ZFPM2: variants seen among roughly 807,000 people sequenced by gnomAD.
ZFPM2 encodes zinc finger protein, FOG family member 2.
A neutral mutation model predicts 98.6 loss-of-function variants in ZFPM2; 20 were observed. The ratio of observed to expected loss-of-function variants is 0.20; its 90% confidence interval spans 0.14 to 0.29. The LOEUF is 0.29. Ranked by LOEUF, ZFPM2 falls within the 10% of genes least tolerant of loss-of-function variation. ZFPM2 has a pLI of 1.00. For synonymous variants in ZFPM2, 518 were observed against 502.7 expected, an observed-to-expected ratio of 1.03 and a Z score of -0.41; for missense variants, 1,310 against 1,388.6, an observed-to-expected ratio of 0.94 and a Z score of 0.90.
chr8:105,801,528 T>C lies in ZFPM2; in HGVS notation c.1446T>C (p.Ser482=). 10 of 1,613,876 alleles carry C rather than the reference T, an allele frequency of 6.2e-6. No individual in the cohort carries two copies. Among genetic ancestry groups the C allele is most frequent in the Non-Finnish European group, 8.5e-6 (10 of 1,179,856 alleles). The change falls in exon 8 of 8, where the codon TCT becomes TCC. Residue 482 remains serine (S), a synonymous_variant. Coordinates refer to ENST00000407775, the MANE Select transcript of ZFPM2 (RefSeq NM_012082.4). ...SEPSSPRLAS[S]PVQPNIGPSF... The stretch of plus-strand genomic sequence containing the variant: ...CCTCTAGCCCAAGACTTGCCTCATC[T>C]CCAGTTCAGCCTAATATTGGGCCTT...
chr8:105,370,850 A>G (rs1233742484), intron 1 of ZFPM2, among the ~76,000 whole-genome samples: 1 of 152,230 alleles, frequency 6.6e-6, no homozygotes, highest in Non-Finnish European at 1.5e-5. Flanking sequence ...CAGATCTGGG[A>G]TTTGAACGCA....
chr8:105,570,217 G>C (rs546388901), intron 4 of ZFPM2, among the ~76,000 whole-genome samples: 8 of 152,120 alleles, frequency 5.3e-5, no homozygotes, highest in Non-Finnish European at 1.2e-4. Flanking sequence ...AAGACTTGAA[G>C]GCAAGAAATG....
At chr8:105,740,452 C>CTT (rs140649290) in intron 5 of ZFPM2, among the ~76,000 whole-genome samples, 65,996 of 149,494 alleles carry the variant, frequency 0.44, 15,629 homozygotes, top group African/African-American at 0.62. Context: ...GCAAAATTAA[C>CTT]TAATTATAGC....
intron 3 of ZFPM2, among the ~76,000 whole-genome samples, chr8:105,542,562 C>G (rs1003309270): frequency 6.6e-6 from 1 of 152,114 alleles, no homozygotes; most frequent in Non-Finnish European, 1.5e-5. Context: ...CTATCCACAA[C>G]CAAATGTGGA....
chr8:105,644,234 C>A (rs1448179908), intron 5 of ZFPM2, among the ~76,000 whole-genome samples: 3 of 151,686 alleles, frequency 2.0e-5, no homozygotes, highest in Admixed American at 2.0e-4. Flanking sequence ...TACCTCAGGG[C>A]CTTTGCACTG....
At chr8:105,571,075 G>A (rs1200887559) in intron 4 of ZFPM2, among the ~76,000 whole-genome samples, 1 of 152,186 alleles carries the variant, frequency 6.6e-6, no homozygotes, top group East Asian at 1.9e-4. Flanking sequence ...CACTCTATGT[G>A]TGTAAAGTTG....
At chr8:105,463,657 G>A (rs1812743712) in intron 3 of ZFPM2, among the ~76,000 whole-genome samples, 1 of 152,060 alleles carries the variant, frequency 6.6e-6, no homozygotes, top group Non-Finnish European at 1.5e-5. Flanking sequence ...ATGTGTGGGT[G>A]AAGTGAAAAG....
intron 3 of ZFPM2, among the ~76,000 whole-genome samples, chr8:105,456,560 G>T (rs72671696): frequency 0.016 from 2,369 of 152,106 alleles, 25 homozygotes; most frequent in Non-Finnish European, 0.025. Flanking sequence ...GAATTTAGGG[G>T]TATGCTTCCA....
intron 1 of ZFPM2, among the ~76,000 whole-genome samples, chr8:105,346,664 A>T (rs1812543523): frequency 6.6e-6 from 1 of 152,184 alleles, no homozygotes; most frequent in African/African-American, 2.4e-5. Flanking sequence ...ATTTTCTTAC[A>T]TTATTTACCT....
At chr8:105,362,651 A>C (rs2129769581) in intron 1 of ZFPM2, among the ~76,000 whole-genome samples, 1 of 152,352 alleles carries the variant, frequency 6.6e-6, no homozygotes, top group Non-Finnish European at 1.5e-5. Flanking sequence ...TTAATAAAAC[A>C]CAGTTCCTTT....
chr8:105,534,992 C>T (rs566712909), intron 3 of ZFPM2, among the ~76,000 whole-genome samples: 3 of 152,028 alleles, frequency 2.0e-5, no homozygotes, highest in Non-Finnish European at 4.4e-5. Flanking sequence ...TGGCATTCTC[C>T]GAATACATGG....
intron 5 of ZFPM2, among the ~76,000 whole-genome samples, chr8:105,690,681 A>G (rs1431375605): frequency 6.6e-6 from 1 of 152,114 alleles, no homozygotes; most frequent in Non-Finnish European, 1.5e-5. Context: ...AATATCTCTC[A>G]TAATAACTCA....
intron 4 of ZFPM2, among the ~76,000 whole-genome samples, chr8:105,618,233 G>C (rs1816460783): frequency 6.6e-6 from 1 of 152,146 alleles, no homozygotes; most frequent in African/African-American, 2.4e-5. Flanking sequence ...TTCCTAAGGA[G>C]AGTCTCATTG....
chr8:105,628,103 T>G (rs1205051333), intron 4 of ZFPM2, among the ~76,000 whole-genome samples: 1 of 152,204 alleles, frequency 6.6e-6, no homozygotes, highest in Non-Finnish European at 1.5e-5. Flanking sequence ...GCTAGTTACT[T>G]CATTCAAAAG....
chr8:105,577,069 TAA>T (rs1815483519), intron 4 of ZFPM2, among the ~76,000 whole-genome samples: 1 of 152,164 alleles, frequency 6.6e-6, no homozygotes, highest in Non-Finnish European at 1.5e-5. Flanking sequence ...AAATGACTAT[TAA>T]AATGTATTTC....
chr8:105,744,203 T>G (rs1332242889), intron 5 of ZFPM2, among the ~76,000 whole-genome samples: 2 of 152,088 alleles, frequency 1.3e-5, no homozygotes, highest in African/African-American at 4.8e-5. Flanking sequence ...CTCTCTCAAC[T>G]CTTTATCATT....
At chr8:105,538,171 A>C (rs1290608691) in intron 3 of ZFPM2, among the ~76,000 whole-genome samples, 2 of 151,984 alleles carry the variant, frequency 1.3e-5, no homozygotes. Flanking sequence ...GCACATATTG[A>C]TTGTAAGTCC....
intron 1 of ZFPM2, among the ~76,000 whole-genome samples, chr8:105,329,152 G>T (rs1812167575): frequency 6.6e-6 from 1 of 151,840 alleles, no homozygotes; most frequent in African/African-American, 2.4e-5. Flanking sequence ...CTGATTGATT[G>T]ATGTCTGGCT....
At chr8:105,334,868 C>A (rs1318222743) in intron 1 of ZFPM2, among the ~76,000 whole-genome samples, 1 of 151,602 alleles carries the variant, frequency 6.6e-6, no homozygotes, top group Non-Finnish European at 1.5e-5. Context: ...CCTTGAAAGT[C>A]TTCCAAGCTA....
Sources: gnomAD v4.1 joint callset for allele counts (sites outside exome capture counted in the v4.1 genomes callset) on GRCh38, gnomAD v4.1.1 for gene constraint, MANE v1.5 for transcripts, NCBI Gene and HGNC (gene_info 2026-07-23, HGNC 2026-07-21) for gene names.